Variants in MAPK8IP3 observed in about 807,000 individuals in gnomAD.
The protein encoded by MAPK8IP3 is mitogen-activated protein kinase 8 interacting protein 3, also known as C-Jun-amino-terminal kinase-interacting protein 3.
In MAPK8IP3, 49 loss-of-function variants were observed where a neutral mutation model predicts 157.8. The observed-to-expected ratio is 0.31, with a 90% CI of 0.25 to 0.39. The LOEUF is 0.39. MAPK8IP3 is among the 10% of genes least tolerant of loss of function. The pLI is 1.00. For synonymous variants in MAPK8IP3, 897 were observed against 777.7 expected (o/e 1.15, Z -2.55); for missense variants, 1,478 against 1,889.4 (o/e 0.78, Z 4.04).
chr16:1,727,644 C>T (rs553640258), intron 2 of MAPK8IP3, among the ~76,000 whole-genome samples: 1 of 152,056 alleles, frequency 6.6e-6, no homozygotes, highest in African/African-American at 2.4e-5. Context: ...CTGAGTCACG[C>T]GTGTCAGGTG....
chr16:1,743,607 T>C lies in MAPK8IP3; in HGVS notation c.747+131T>C. 1 of 1,449,784 alleles carries C rather than the reference T, an allele frequency of 6.9e-7. No individual in the cohort carries two copies. The highest frequency in any genetic ancestry group is 9.0e-7 in the Non-Finnish European group (1 of 1,109,354). 89.8% of individuals were successfully genotyped at this position (1,449,784 alleles called of 1,614,324 possible). ...GCCACTCGCCCTCTCCCTTCGTGTG[T>C]GGCAGGATGGAGAAACCCAGCCAGG... On this transcript the variant is annotated intron_variant, in intron 5 of 31. Coordinates refer to ENST00000610761, the MANE Select transcript of MAPK8IP3 (RefSeq NM_001318852.2). This position sits in a 1 kb window ranked among gnomAD's most constrained non-coding sequence, Gnocchi z 5.6.
chr16:1,720,900 G>A (rs1326159187), intron 1 of MAPK8IP3, among the ~76,000 whole-genome samples: 1 of 152,160 alleles, frequency 6.6e-6, no homozygotes, highest in Admixed American at 6.6e-5. Flanking sequence ...TGGGCGTGGT[G>A]GTGGGTGCCT....
At chr16:1,733,717 G>A (rs980704605) in intron 4 of MAPK8IP3, among the ~76,000 whole-genome samples, 6 of 152,220 alleles carry the variant, frequency 3.9e-5, no homozygotes, top group African/African-American at 1.4e-4. Context: ...CCCACTGCTG[G>A]GGTCCCCTCT....
intron 10 of MAPK8IP3, 110 bp downstream of exon 10, chr16:1,759,105 C>T (rs1049903295): frequency 6.8e-7 from 1 of 1,468,126 alleles, no homozygotes; most frequent in African/African-American, 1.4e-5. Context: ...GTTGGGGCCG[C>T]CGGGGTCAGG....
At chr16:1,758,880 G>C (rs553420638) in intron 9 of MAPK8IP3, 98 bp from the exon 10 acceptor site, 74 of 1,332,462 alleles carry the variant, frequency 5.6e-5, no homozygotes, top group Non-Finnish European at 7.4e-5. Flanking sequence ...CTCCCAGCCT[G>C]CTGTCCACAC....
rs1348505547 is a variant in MAPK8IP3 at position 1,762,494 on chromosome 16, G to C, written c.1670+13G>C. 6.2e-6 allele frequency: 10 copies of C among 1,611,396 alleles called. No homozygotes were observed. The highest frequency in any genetic ancestry group is 8.5e-6 in the Non-Finnish European group (10 of 1,179,066). Reference sequence around the variant, plus strand: ...CTGAGATGATCAGGTGGGAGTTGCGGCCACCCCAGGAGGGGCTGCGGGATC... The same window carrying C: ...CTGAGATGATCAGGTGGGAGTTGCGCCCACCCCAGGAGGGGCTGCGGGATC... On this transcript the variant is annotated intron_variant, in intron 14 of 31. Coordinates refer to ENST00000610761, the MANE Select transcript of MAPK8IP3 (RefSeq NM_001318852.2).
At chr16:1,722,007 C>T (rs34215281) in intron 1 of MAPK8IP3, among the ~76,000 whole-genome samples, 9 of 151,914 alleles carry the variant, frequency 5.9e-5, no homozygotes, top group Non-Finnish European at 1.2e-4. Flanking sequence ...CTGACCTCGT[C>T]ATCCCCCCCG....
At chr16:1,764,061 A>G (rs370099024) in intron 17 of MAPK8IP3, 54 bp from the exon 18 acceptor site, 1 of 1,493,686 alleles carries the variant, frequency 6.7e-7, no homozygotes, top group Non-Finnish European at 9.1e-7. Flanking sequence ...AGATTTCTGG[A>G]GGGATGGGTA....
At chr16:1,716,801 G>A (rs2038179861) in intron 1 of MAPK8IP3, among the ~76,000 whole-genome samples, 2 of 152,024 alleles carry the variant, frequency 1.3e-5, no homozygotes, top group Admixed American at 1.3e-4. Flanking sequence ...GTTCACGCCT[G>A]TAATCCCAAC....
chr16:1,766,860 G>A (rs1246805816), intron 24 of MAPK8IP3, 44 bp from the exon 25 acceptor site: 1 of 1,611,230 alleles, frequency 6.2e-7, no homozygotes, highest in Non-Finnish European at 8.5e-7. Flanking sequence ...GGAGGGGGCT[G>A]GCACAGCCTG....
At chr16:1,709,093 C>T (rs182502398) in intron 1 of MAPK8IP3, among the ~76,000 whole-genome samples, 2 of 152,332 alleles carry the variant, frequency 1.3e-5, no homozygotes, top group South Asian at 2.1e-4. Flanking sequence ...AAGGCTTAGT[C>T]AGAGATGGGT....
intron 9 of MAPK8IP3, 33 bp downstream of exon 9, chr16:1,758,192 C>G (rs1040675384): frequency 3.7e-6 from 6 of 1,612,472 alleles, no homozygotes; most frequent in Middle Eastern, 1.7e-4. Flanking sequence ...TGTCTCCCCT[C>G]TGTGTGACGG....
intron 10 of MAPK8IP3, among the ~76,000 whole-genome samples, chr16:1,759,438 T>C (rs996919961): frequency 3.3e-5 from 5 of 152,108 alleles, no homozygotes; most frequent in African/African-American, 1.2e-4. Flanking sequence ...TTCTGGGGCA[T>C]GCTTGCAGGG....
chr16:1,758,484 A>AGG (rs1267427032), intron 9 of MAPK8IP3, among the ~76,000 whole-genome samples: 2 of 152,138 alleles, frequency 1.3e-5, no homozygotes, highest in Non-Finnish European at 2.9e-5. Context: ...CCCTGCTGTC[A>AGG]GGCACACCCC....
intron 1 of MAPK8IP3, among the ~76,000 whole-genome samples, chr16:1,711,660 C>T (rs2037776668): frequency 1.3e-5 from 2 of 152,252 alleles, no homozygotes; most frequent in East Asian, 1.9e-4. Flanking sequence ...GGGGTCCCAA[C>T]GCTGGGCGCA....
rs1444366897 is a variant in MAPK8IP3, at chr16:1,768,814, C to A, written c.4004C>A (p.Thr1335Asn). 21 of 1,612,200 alleles carry A rather than the reference C, an allele frequency of 1.3e-5. No individual in the cohort carries two copies. Among genetic ancestry groups the A allele is most frequent in the Non-Finnish European group, 1.7e-5 (20 of 1,179,774 alleles). ...SHIIVWQVSY[T>N]PE Reference sequence around the variant, plus strand: ...ATCATCGTGTGGCAGGTGTCCTACACCCCCGAGTGAAGCTGCTGCCCTGCC... The same window carrying A: ...ATCATCGTGTGGCAGGTGTCCTACAACCCCGAGTGAAGCTGCTGCCCTGCC... The change falls in exon 32 of 32, where the codon ACC (threonine) becomes AAC (asparagine). Residue 1335 changes from threonine to asparagine, a missense_variant. Thr to Asn is a moderately conservative substitution (Grantham distance 65). Transcript: ENST00000610761.
intron 20 of MAPK8IP3, 64 bp downstream of exon 20, chr16:1,765,242 A>G: frequency 6.6e-7 from 1 of 1,507,112 alleles, no homozygotes; most frequent in South Asian, 1.3e-5. Context: ...AGCTAAGTAA[A>G]AGCCCTGCCA....
At position 1,721,145 on chromosome 16, in the gene MAPK8IP3, G is replaced by A. The variant is rs367585162; in HGVS notation, c.319-3412G>A. On this transcript the variant is annotated intron_variant, in intron 1 of 31. Transcript: ENST00000610761. ...CTAAGGTCAAGAGTTTGAGACCAGC[G>A]TGACCAACATGGAAAACACCATCTC... 6.0e-5 allele frequency among the ~76,000 whole-genome samples: 9 copies of A among 149,768 alleles called. No individual in the cohort carries two copies. The East Asian group carries it at 1.2e-3, about 20-fold the overall frequency.
At chr16:1,730,726 C>G (rs1316596998) in intron 4 of MAPK8IP3, among the ~76,000 whole-genome samples, 1 of 152,002 alleles carries the variant, frequency 6.6e-6, no homozygotes, top group Admixed American at 6.6e-5. Flanking sequence ...GCCTGTAGTT[C>G]CAGCTATTCT....
Sources: gnomAD v4.1 joint callset for allele counts (sites outside exome capture counted in the v4.1 genomes callset) on GRCh38, gnomAD v4.1.1 for gene constraint, Gnocchi (gnomAD v3.1) non-coding constraint, MANE v1.5 for transcripts, NCBI Gene and HGNC (gene_info 2026-07-23, HGNC 2026-07-21) for gene names.